The following CCDC171 variants were observed in gnomAD, a reference collection of about 807,000 sequenced individuals.
The protein encoded by CCDC171 is coiled-coil domain containing 171.
In CCDC171, 177 loss-of-function variants were observed where a neutral mutation model predicts 168.2. The ratio of observed to expected loss-of-function variants is 1.05; its 90% CI spans 0.93 to 1.19. The LOEUF is 1.19. Among genes scored for constraint, CCDC171 ranks in the 50% most tolerant of loss-of-function variants. The pLI is 0.00. For missense variants in CCDC171, 1,991 were observed against 1,539.0 expected (o/e 1.29, Z -4.91); for synonymous variants, 687 against 540.8 (o/e 1.27, Z -3.75).
At chr9:15,688,257 G>T (rs980119690) in intron 10 of CCDC171, among the ~76,000 whole-genome samples, 4 of 151,956 alleles carry the variant, frequency 2.6e-5, no homozygotes, top group African/African-American at 9.7e-5. Flanking sequence ...AAAAGCCCAG[G>T]CCTAGATAGG....
intron 18 of CCDC171, among the ~76,000 whole-genome samples, chr9:15,770,236 C>T (rs1321643324): frequency 6.6e-6 from 1 of 152,010 alleles, no homozygotes; most frequent in East Asian, 1.9e-4. Flanking sequence ...TGAAGACCAC[C>T]CAAAAAGTTC....
chr9:15,834,689 C>G (rs1388876755), intron 21 of CCDC171, among the ~76,000 whole-genome samples: 3 of 152,056 alleles, frequency 2.0e-5, no homozygotes, highest in African/African-American at 4.8e-5. Flanking sequence ...AATTAGAATG[C>G]CTGAAACTGC....
At chr9:15,878,665 A>G (rs1818184796) in intron 24 of CCDC171, among the ~76,000 whole-genome samples, 2 of 152,308 alleles carry the variant, frequency 1.3e-5, no homozygotes, top group South Asian at 4.2e-4. Context: ...TCTACCATAA[A>G]GACACATGCA....
chr9:15,877,540 C>T (rs1368505586), intron 24 of CCDC171, among the ~76,000 whole-genome samples: 1 of 151,926 alleles, frequency 6.6e-6, no homozygotes, highest in African/African-American at 2.4e-5. Flanking sequence ...TTTACTTTTC[C>T]ATGGCATAGG....
chr9:15,562,736 T>C (rs918953483), intron 1 of CCDC171, among the ~76,000 whole-genome samples: 1 of 152,182 alleles, frequency 6.6e-6, no homozygotes, highest in Admixed American at 6.5e-5. Flanking sequence ...CAGGAACATT[T>C]CATGTATGTG....
intron 4 of CCDC171, among the ~76,000 whole-genome samples, chr9:15,581,938 A>T (rs867554919): frequency 6.6e-6 from 1 of 152,254 alleles, no homozygotes; most frequent in Non-Finnish European, 1.5e-5. Context: ...AATGGGATCT[A>T]ATTAAACTAA....
chr9:15,774,885 A>G (rs7018872), intron 18 of CCDC171, among the ~76,000 whole-genome samples: 69,617 of 152,090 alleles, frequency 0.46, 16,211 homozygotes, highest in Non-Finnish European at 0.49. Flanking sequence ...GTTCTCACTC[A>G]TATGTGGGAG....
chr9:16,030,765 C>T (rs978124992), intron 6 of CCDC171, among the ~76,000 whole-genome samples: 8 of 152,152 alleles, frequency 5.3e-5, no homozygotes, highest in African/African-American at 1.7e-4. Flanking sequence ...TGGCGGCTCA[C>T]CACGCTGGCC....
chr9:16,078,172 A>G, the CCDC171 span, among the ~76,000 whole-genome samples: 1 of 152,058 alleles, frequency 6.6e-6, no homozygotes, highest in Non-Finnish European at 1.5e-5. Context: ...AAAACATCAC[A>G]TTGTACACCT....
At chr9:16,041,512 G>A (rs1350966753), upstream of CCDC171, among the ~76,000 whole-genome samples, 2 of 152,106 alleles carry the variant, frequency 1.3e-5, no homozygotes, top group Non-Finnish European at 2.9e-5. Flanking sequence ...GGGCAATGAA[G>A]ATTTTTTAGT....
intron 18 of CCDC171, among the ~76,000 whole-genome samples, chr9:15,764,482 G>C (rs1705973829): frequency 6.6e-6 from 1 of 152,128 alleles, no homozygotes; most frequent in Admixed American, 6.6e-5. Context: ...GATGTATGTT[G>C]AATGTGAGGT....
rs559751683 is a variant in CCDC171, at chr9:15,806,081, G to T, written c.3267+21387G>T. ...CCCTGCTTTGTTCTGTTTTGCATTTGCTTGGTAAACGTTTCTCCATCCTTT... is the reference window on the plus strand; with the variant it reads ...CCCTGCTTTGTTCTGTTTTGCATTTTCTTGGTAAACGTTTCTCCATCCTTT... On this transcript the variant is annotated intron_variant, in intron 21 of 25. Transcript: ENST00000380701. Among the ~76,000 whole-genome samples, 136 of 152,144 alleles carry T rather than the reference G, an allele frequency of 8.9e-4. 1 individual carries two copies. The highest frequency in any genetic ancestry group is 2.5e-3 in the African/African-American group (104 of 41,514).
At chr9:15,876,038 G>A (rs986096443) in intron 24 of CCDC171, 1 of 151,952 alleles carries the variant, frequency 6.6e-6, no homozygotes, top group Non-Finnish European at 1.5e-5. Context: ...AATCTCACAA[G>A]GCTTAGTATT....
the CCDC171 span, among the ~76,000 whole-genome samples, chr9:16,103,424 A>T: frequency 6.6e-6 from 1 of 152,210 alleles, no homozygotes; most frequent in Non-Finnish European, 1.5e-5. Context: ...AAGGGGGAAG[A>T]CAACGGCACT....
In CCDC171 at chr9:15,911,985, C is replaced by T. The variant is rs201928775; in HGVS notation, c.3601-8285C>T. ...ATAGTTTGAAGTCAGGTCGTGTGAT[C>T]CCTCCAGCTTTGTTCTTTTTGCTTC... On this transcript the variant is annotated intron_variant, in intron 24 of 25. Coordinates refer to ENST00000380701, the MANE Select transcript of CCDC171 (RefSeq NM_173550.4). Among the ~76,000 whole-genome samples, 67 of 152,094 alleles carry T rather than the reference C, an allele frequency of 4.4e-4. No homozygotes were observed. In the South Asian group the frequency reaches 5.4e-3, roughly 12 times the overall value.
At chr9:15,591,003 C>A (rs2041971751) in intron 4 of CCDC171, among the ~76,000 whole-genome samples, 2 of 151,952 alleles carry the variant, frequency 1.3e-5, no homozygotes, top group African/African-American at 4.8e-5. Flanking sequence ...GTGTGTACCA[C>A]CACACTCAGC....
intron 6 of CCDC171, among the ~76,000 whole-genome samples, chr9:15,614,700 A>G (rs1259653297): frequency 6.6e-6 from 1 of 152,084 alleles, no homozygotes; most frequent in African/African-American, 2.4e-5. Context: ...TTTAGATTTT[A>G]TCTTCATGTT....
chr9:16,098,981 G>T, the CCDC171 span, among the ~76,000 whole-genome samples: 1 of 152,142 alleles, frequency 6.6e-6, no homozygotes, highest in Admixed American at 6.5e-5. Flanking sequence ...ACATAGGATG[G>T]ATATAATAAG....
chr9:15,732,548 T>C lies in CCDC171; in HGVS notation c.2049+2750T>C, dbSNP rs534643337. On this transcript the variant is annotated intron_variant, in intron 16 of 25. Coordinates refer to ENST00000380701, the MANE Select transcript of CCDC171 (RefSeq NM_173550.4). Reference sequence around the variant, plus strand: ...GTCATATAAATGGACTCATACAGTATATAGCCTTTTGGGTCTGGTTACTTT... The same window carrying C: ...GTCATATAAATGGACTCATACAGTACATAGCCTTTTGGGTCTGGTTACTTT... Among the ~76,000 whole-genome samples, 4 of 152,292 alleles carry C rather than the reference T, an allele frequency of 2.6e-5. No homozygotes were observed. In the East Asian group the frequency reaches 7.7e-4, roughly 29 times the overall value.
Sources: gnomAD v4.1 joint callset for allele counts (sites outside exome capture counted in the v4.1 genomes callset) on GRCh38, gnomAD v4.1.1 for gene constraint, MANE v1.5 for transcripts, NCBI Gene and HGNC (gene_info 2026-07-23, HGNC 2026-07-21) for gene names.